Variants in DNAH10 observed in about 807,000 individuals in gnomAD.
DNAH10 encodes the protein axonemal beta dynein heavy chain 10.
Under a neutral mutation model 506.6 loss-of-function variants are expected in DNAH10, and 348 were observed. The observed-to-expected ratio is 0.69, with a 90% CI of 0.63 to 0.75. The LOEUF (loss-of-function observed/expected upper bound fraction) is 0.75, where lower values mean the gene tolerates loss of function less well. Among genes scored for constraint, DNAH10 ranks in the 30% least tolerant of loss-of-function variants. The pLI is 0.00. For missense variants in DNAH10, 5,179 were observed against 5,787.1 expected (o/e 0.89, Z 3.41); for synonymous variants, 2,059 against 2,198.6 (o/e 0.94, Z 1.78).
Position 123,931,989 on chromosome 12 carries a change from A to G in DNAH10, c.13177A>G (p.Arg4393Gly), listed in dbSNP as rs369245048. Residue 4393 changes from arginine to glycine, a missense_variant, in exon 76 of 79, where the codon AGG becomes GGG. Around this residue, in one of 3 missense-constraint regions of DNAH10, gnomAD observed 4,844 missense variants for 5,430.5 expected, o/e 0.89. Coordinates refer to ENST00000673944, the MANE Select transcript of DNAH10 (RefSeq NM_001372106.1). ...GMSNELDDVA[R>G]SLFIGHIPNI... ...GAGCAATGAGTTAGATGATGTGGCC[A>G]GGTCTCTTTTTATCGGGCATATCCC... 5.0e-6 allele frequency: 8 copies of G among 1,613,938 alleles called. No individual in the cohort carries two copies. The highest frequency in any genetic ancestry group is 2.7e-5 in the African/African-American group (2 of 74,934).
At position 123,813,761 on chromosome 12, in the gene DNAH10, C is replaced by T. The variant is rs758403907; in HGVS notation, c.3629C>T (p.Ala1210Val). Reference sequence around the variant, plus strand: ...TTGTACTTTCTGTTATAGCACCTGGCCAAAAACCTTAGGAAGATCCCCAAT... The same window carrying T: ...TTGTACTTTCTGTTATAGCACCTGGTCAAAAACCTTAGGAAGATCCCCAAT... Reference protein sequence around the residue: ...YNLHEEMEHLAKNLRKIPNTL... With the variant: ...YNLHEEMEHLVKNLRKIPNTL... Residue 1210 changes from alanine (A) to valine (V), a missense_variant, in exon 21 of 79, where the codon GCC (alanine) becomes GTC (valine). Coordinates refer to ENST00000673944, the MANE Select transcript of DNAH10 (RefSeq NM_001372106.1). 7.4e-6 allele frequency: 12 copies of T among 1,612,998 alleles called. No homozygotes were observed. Among genetic ancestry groups the T allele is most frequent in the Non-Finnish European group, 1.0e-5 (12 of 1,179,778 alleles).
At chr12:123,867,656 C>T (rs970285137) in intron 42 of DNAH10, 55 bp downstream of exon 42, 3 of 1,605,688 alleles carry the variant, frequency 1.9e-6, no homozygotes, top group Non-Finnish European at 2.6e-6. Flanking sequence ...AAGACAAGCT[C>T]ACGGTAGGGT....
chr12:123,771,496 G>A (rs959131358), intron 2 of DNAH10, 105 bp from the exon 3 acceptor site: 22 of 882,000 alleles, frequency 2.5e-5, no homozygotes, highest in Admixed American at 1.9e-4. Flanking sequence ...TTGATAACTC[G>A]CCTTTTGAAT....
intron 52 of DNAH10, among the ~76,000 whole-genome samples, chr12:123,888,696 A>G (rs1952846912): frequency 6.6e-6 from 1 of 152,084 alleles, no homozygotes; most frequent in Non-Finnish European, 1.5e-5. Context: ...CTTTGGGGTA[A>G]TTAGTCATGG....
intron 4 of DNAH10, 64 bp from the exon 5 acceptor site, chr12:123,774,084 TG>T: frequency 9.7e-7 from 1 of 1,030,406 alleles, no homozygotes; most frequent in South Asian, 1.6e-5. Flanking sequence ...CCTGTTCTCT[TG>T]GAAATGTTAA....
At position 123,887,143 on chromosome 12, in the gene DNAH10, T is replaced by C. The variant is rs1475009019; in HGVS notation, c.8825T>C (p.Val2942Ala). The change falls in exon 52 of 79, where the codon GTG (valine) becomes GCG (alanine). Residue 2942 changes from valine (V) to alanine (A), a missense_variant and splice_region_variant. This residue lies in a region of DNAH10 where 4,844 missense variants were observed against 5,430.5 expected (regional missense o/e 0.89). Coordinates refer to ENST00000673944, the MANE Select transcript of DNAH10 (RefSeq NM_001372106.1). ...ATGTGCTCTGTGTCTGCATCGCAGG[T>C]GTTTGAGATCCTGCTGAGCCGAGGC... ...RLAAFTASCEVFEILLSRGYS... is the reference protein window; with the variant it reads ...RLAAFTASCEAFEILLSRGYS... The C allele has an allele frequency of 1.2e-6, 2 of 1,603,598 alleles. No individual in the cohort carries two copies. The highest frequency in any genetic ancestry group is 1.7e-6 in the Non-Finnish European group (2 of 1,175,154).
intron 5 of DNAH10, among the ~76,000 whole-genome samples, chr12:123,776,062 T>A (rs1313121323): frequency 6.6e-6 from 1 of 152,122 alleles, no homozygotes; most frequent in East Asian, 1.9e-4. Context: ...AACAGTGGCA[T>A]GGGGGTAACC....
intron 29 of DNAH10, among the ~76,000 whole-genome samples, chr12:123,840,705 C>G (rs1950744093): frequency 6.6e-6 from 1 of 152,162 alleles, no homozygotes; most frequent in South Asian, 2.1e-4. Flanking sequence ...TTCCTCTCCT[C>G]TCTGATTTGT....
intron 28 of DNAH10, 25 bp downstream of exon 28, chr12:123,835,553 T>C (rs768979913): frequency 6.3e-7 from 1 of 1,599,906 alleles, no homozygotes; most frequent in Non-Finnish European, 8.5e-7. Context: ...TCTATTTTAG[T>C]AATGAAAGAA....
intron 11 of DNAH10, among the ~76,000 whole-genome samples, chr12:123,793,019 T>G (rs1008587862): frequency 6.6e-6 from 1 of 152,190 alleles, no homozygotes; most frequent in African/African-American, 2.4e-5. Context: ...TCTTTAGAAA[T>G]TTGAAGTTTT....
intron 45 of DNAH10, among the ~76,000 whole-genome samples, chr12:123,873,288 A>G (rs1952109859): frequency 6.6e-6 from 1 of 152,242 alleles, no homozygotes; most frequent in East Asian, 1.9e-4. Flanking sequence ...GTGCAGAAAC[A>G]AGACCCTCAG....
chr12:123,929,231 G>A, intron 70 of DNAH10, 44 bp from the exon 71 acceptor site: 1 of 1,542,074 alleles, frequency 6.5e-7, no homozygotes, highest in South Asian at 1.2e-5. Flanking sequence ...CCAAGCTTGT[G>A]GGCCTGCGGT....
rs575677607 is a variant in DNAH10, at chr12:123,777,039, C to T, written c.621+2775C>T. 9.9e-5 allele frequency among the ~76,000 whole-genome samples: 15 copies of T among 152,164 alleles called. No homozygotes were observed. The South Asian group carries it at 2.5e-3, about 25-fold the overall frequency. Reference sequence around the variant, plus strand: ...CTTTTGCAATTTTAGATAGGGTGGCCAGGAAGACTTCACTGAGAAGATTTG... The same window carrying T: ...CTTTTGCAATTTTAGATAGGGTGGCTAGGAAGACTTCACTGAGAAGATTTG... On this transcript the variant is annotated intron_variant, in intron 5 of 78. Transcript: ENST00000673944.
Position 123,796,809 on chromosome 12 carries a change from C to T in DNAH10, c.2140C>T (p.Leu714=), listed in dbSNP as rs745338669. 6.2e-7 allele frequency: 1 copy of T among 1,612,294 alleles called. No individual in the cohort carries two copies. Among genetic ancestry groups the T allele is most frequent in the African/African-American group, 1.3e-5 (1 of 74,768 alleles). Residue 714 remains leucine, a synonymous_variant, in exon 13 of 79, where the codon CTG becomes TTG. Transcript: ENST00000673944. Reference sequence around the variant, plus strand: ...CCGATTTCAAGAGGTACAAGAGATACTGGACAGTGATCGAGGACAGGAGGT... The same window carrying T: ...CCGATTTCAAGAGGTACAAGAGATATTGGACAGTGATCGAGGACAGGAGGT... ...ILRFQEVQEI[L]DSDRGQEVKQ... is the part of the protein sequence containing the mutation.
At chr12:123,864,154 T>TTA (rs1325069193) in intron 39 of DNAH10, among the ~76,000 whole-genome samples, 1 of 149,296 alleles carries the variant, frequency 6.7e-6, no homozygotes, top group African/African-American at 2.5e-5. Context: ...TTTTTTTTTT[T>TTA]TTTTTTTTTG....
chr12:123,835,755 G>A (rs1246184425), intron 28 of DNAH10, among the ~76,000 whole-genome samples: 2 of 152,142 alleles, frequency 1.3e-5, no homozygotes, highest in Non-Finnish European at 2.9e-5. Flanking sequence ...CTCCCAAGCA[G>A]CTGGGACTAC....
At chr12:123,811,086 C>G (rs984681330) in intron 19 of DNAH10, among the ~76,000 whole-genome samples, 1 of 152,136 alleles carries the variant, frequency 6.6e-6, no homozygotes, top group African/African-American at 2.4e-5. Flanking sequence ...ATGGCTAGGC[C>G]ACTTAATATG....
Position 123,781,192 on chromosome 12 carries a change from C to T in DNAH10, c.734C>T (p.Pro245Leu). ...SEHESDLPPMPGEAVEYHSIQ... is the reference protein window; with the variant it reads ...SEHESDLPPMLGEAVEYHSIQ... ...CATGAATCAGACCTGCCGCCCATGC[C>T]TGGGGAGGCAGTAGAATATCACAGT... Residue 245 changes from proline (P) to leucine (L), a missense_variant, in exon 6 of 79, where the codon CCT becomes CTT. Physicochemically the swap from Pro to Leu is moderately conservative, Grantham distance 98 (BLOSUM62 -3). Transcript: ENST00000673944. The T allele has an allele frequency of 6.2e-7, 1 of 1,614,062 alleles. No individual in the cohort carries two copies. The highest frequency in any genetic ancestry group is 8.5e-7 in the Non-Finnish European group (1 of 1,180,026).
rs959507199 is a variant in DNAH10 at position 123,864,721 on chromosome 12, G to C, written c.7035G>C (p.Leu2345=). 7.4e-6 allele frequency: 12 copies of C among 1,610,934 alleles called. No homozygotes were observed. Among genetic ancestry groups the C allele is most frequent in the African/African-American group, 1.3e-5 (1 of 74,758 alleles). ...TCCGGCTCCAAGCACACTGTGCCCTGCTCTTTGAGGCAAGTAGTGATTAAA... is the reference window on the plus strand; with the variant it reads ...TCCGGCTCCAAGCACACTGTGCCCTCCTCTTTGAGGCAAGTAGTGATTAAA... ...ERIRLQAHCA[L]LFEVGDLQYA... The change falls in exon 40 of 79, where the codon CTG becomes CTC. Residue 2345 remains leucine (L), a synonymous_variant. Transcript: ENST00000673944.
Sources: gnomAD v4.1 joint callset for allele counts (sites outside exome capture counted in the v4.1 genomes callset) on GRCh38, gnomAD v4.1.1 for gene constraint, gnomAD v4.1.1 regional missense constraint, MANE v1.5 for transcripts, NCBI Gene and HGNC (gene_info 2026-07-23, HGNC 2026-07-21) for gene names.